GPC1: variants seen among roughly 807,000 people sequenced by gnomAD.
GPC1 encodes the protein glypican-1.
A neutral mutation model predicts 51.5 loss-of-function variants in GPC1; 26 were observed. That is an observed-to-expected ratio of 0.50 (90% CI 0.37 to 0.70). The LOEUF (loss-of-function observed/expected upper bound fraction) is 0.70, where lower values mean the gene tolerates loss of function less well. Ranked by LOEUF, GPC1 falls within the 30% of genes least tolerant of loss-of-function variation. GPC1 has a pLI of 0.00. For missense variants in GPC1, 775 were observed against 800.5 expected, an observed-to-expected ratio of 0.97 and a Z score of 0.38; for synonymous variants, 380 against 348.3, an observed-to-expected ratio of 1.09 and a Z score of -1.01.
intron 1 of GPC1, among the ~76,000 whole-genome samples, chr2:240,441,390 G>GT (rs1437776599): frequency 6.6e-6 from 1 of 152,122 alleles, no homozygotes; most frequent in Non-Finnish European, 1.5e-5. Flanking sequence ...GCCGTGCCCG[G>GT]GCCAGTGAGA....
intron 1 of GPC1, chr2:240,454,993 C>A: frequency 4.6e-6 from 1 of 218,506 alleles, no homozygotes; most frequent in Non-Finnish European, 1.0e-5. Flanking sequence ...GACATGTCAG[C>A]AGGGGACGAG....
intron 1 of GPC1, chr2:240,450,861 G>A (rs749066770): frequency 1.3e-5 from 6 of 449,296 alleles, no homozygotes; most frequent in Admixed American, 2.5e-5. Flanking sequence ...TCCCCTGGCA[G>A]AGGTTCCCTC....
In GPC1 at chr2:240,465,751, T is replaced by G. The variant is rs1397598937; in HGVS notation, c.1444+103T>G. 5.3e-6 allele frequency: 5 copies of G among 938,658 alleles called. No homozygotes were observed. The East Asian group carries it at 1.3e-4, about 24-fold the overall frequency. 58.1% of individuals were successfully genotyped at this position (938,658 alleles called of 1,614,324 possible). On this transcript the variant is annotated intron_variant, in intron 8 of 8. Coordinates refer to ENST00000264039, the MANE Select transcript of GPC1 (RefSeq NM_002081.3). Reference sequence around the variant, plus strand: ...TTCCCCCACCCGAGGGGCCCTCTGCTCCGGCATCACCACAGTGAGTCTGAG... The same window carrying G: ...TTCCCCCACCCGAGGGGCCCTCTGCGCCGGCATCACCACAGTGAGTCTGAG...
intron 1 of GPC1, among the ~76,000 whole-genome samples, chr2:240,446,960 A>G (rs2074054505): frequency 6.6e-6 from 1 of 152,088 alleles, no homozygotes; most frequent in Non-Finnish European, 1.5e-5. Flanking sequence ...CCCGAGCCCG[A>G]GCATCTCATC....
Position 240,466,196 on chromosome 2 carries a change from A to C in GPC1, c.1583A>C (p.Lys528Thr), listed in dbSNP as rs137923533. The change falls in exon 9 of 9, where the codon AAG becomes ACG. Residue 528 changes from lysine (K) to threonine (T), a missense_variant. Transcript: ENST00000264039. ...GGCCTGTCAGAGCAGGAAGGACAGA[A>C]GACCTCGGCTGCCAGCTGCCCCCAG... is the stretch of plus-strand genomic sequence containing the variant. ...LPGLSEQEGQ[K>T]TSAASCPQPP... 503 of 1,612,702 alleles carry C rather than the reference A, an allele frequency of 3.1e-4. No homozygotes were observed. The highest frequency in any genetic ancestry group is 3.3e-4 in the Middle Eastern group (2 of 6,082).
chr2:240,440,976 A>G (rs2074013557), intron 1 of GPC1, among the ~76,000 whole-genome samples: 1 of 152,260 alleles, frequency 6.6e-6, no homozygotes, highest in Non-Finnish European at 1.5e-5. Context: ...CCAGCCACCC[A>G]CACTGGGCCA....
intron 1 of GPC1, chr2:240,450,901 G>A (rs1186038000): frequency 9.7e-6 from 4 of 411,732 alleles, no homozygotes; most frequent in Non-Finnish European, 2.0e-5. Context: ...TGGGACTGGA[G>A]GCCAGAGGCT....
chr2:240,438,213 G>A (rs1390669191), intron 1 of GPC1, among the ~76,000 whole-genome samples: 1 of 152,206 alleles, frequency 6.6e-6, no homozygotes, highest in Non-Finnish European at 1.5e-5. Flanking sequence ...CAGGATTACT[G>A]CCTCTCCAGT....
chr2:240,451,526 T>C, intron 1 of GPC1: 1 of 297,022 alleles, frequency 3.4e-6, no homozygotes, highest in South Asian at 2.7e-5. Context: ...GAGTGCCCTC[T>C]TCAGCTCCAC....
chr2:240,437,260 G>C (rs913522616), intron 1 of GPC1, among the ~76,000 whole-genome samples: 1 of 152,178 alleles, frequency 6.6e-6, no homozygotes, highest in Non-Finnish European at 1.5e-5. Flanking sequence ...CGCGGGGGGC[G>C]GAGTGGTGGG....
chr2:240,439,898 G>T (rs980309490), intron 1 of GPC1, among the ~76,000 whole-genome samples: 1 of 152,214 alleles, frequency 6.6e-6, no homozygotes, highest in African/African-American at 2.4e-5. Context: ...CGGAGCCCAG[G>T]GGAGCCCTGA....
At chr2:240,465,411 C>T (rs2074252235) in intron 7 of GPC1, 62 bp from the exon 8 acceptor site, 3 of 1,507,174 alleles carry the variant, frequency 2.0e-6, no homozygotes, top group Admixed American at 1.7e-5. Flanking sequence ...GTGTCCTGCT[C>T]AGGTGATGGC....
intron 1 of GPC1, chr2:240,449,692 A>G (rs2074079545): frequency 2.6e-6 from 1 of 379,530 alleles, no homozygotes; most frequent in Non-Finnish European, 5.3e-6. Context: ...CTCTGTCCCC[A>G]TTAAACAGTA....
rs78327468 is a variant in GPC1 at position 240,446,952 on chromosome 2, C to T, written c.166+10868C>T. On this transcript the variant is annotated intron_variant, in intron 1 of 8. Transcript: ENST00000264039. ...CAGAATCCGGGGTGGACTGGTGCCC[C>T]GAGCCCGAGCATCTCATCCATGGGG... is the stretch of plus-strand genomic sequence containing the variant. 3.5e-3 allele frequency among the ~76,000 whole-genome samples: 528 copies of T among 152,224 alleles called. 3 individuals carry two copies. Among genetic ancestry groups the T allele is most frequent in the South Asian group, 0.022 (108 of 4,816 alleles).
intron 4 of GPC1, chr2:240,464,394 G>A (rs1159357812): frequency 1.8e-6 from 1 of 563,784 alleles, no homozygotes; most frequent in Non-Finnish European, 3.2e-6. Flanking sequence ...GTGTTCACCT[G>A]TGCCCGTGGC....
chr2:240,444,664 C>T (rs753259874), intron 1 of GPC1, among the ~76,000 whole-genome samples: 44 of 152,212 alleles, frequency 2.9e-4, no homozygotes, highest in Non-Finnish European at 5.0e-4. Flanking sequence ...ACACCGACGA[C>T]AGCTGTCCAG....
intron 1 of GPC1, among the ~76,000 whole-genome samples, chr2:240,436,674 G>T (rs2073986375): frequency 6.6e-6 from 1 of 152,260 alleles, no homozygotes; most frequent in Admixed American, 6.5e-5. Context: ...GGGTAGTGCG[G>T]AGGGGTGGGG....
At chr2:240,464,375 T>G in intron 4 of GPC1, 5 of 508,624 alleles carry the variant, frequency 9.8e-6, no homozygotes, top group South Asian at 2.1e-5. Context: ...ATGGCCTCTG[T>G]GTATGTGCGT....
chr2:240,462,794 C>T (rs902959782), intron 3 of GPC1, among the ~76,000 whole-genome samples: 1 of 152,224 alleles, frequency 6.6e-6, no homozygotes, highest in African/African-American at 2.4e-5. Flanking sequence ...TCTGGGCAGG[C>T]GGCTCTGGGC....
Sources: allele counts gnomAD v4.1 joint callset (sites outside exome capture counted in the v4.1 genomes callset), GRCh38; gene constraint gnomAD v4.1.1; transcripts MANE v1.5; gene names NCBI Gene and HGNC (gene_info 2026-07-23, HGNC 2026-07-21).